F7: variants seen among roughly 807,000 people sequenced by gnomAD.
F7 encodes the protein FVII coagulation protein.
F7 carries 38 observed loss-of-function variants against 47.5 expected under a neutral mutation model. That is an observed-to-expected ratio of 0.80 (90% CI 0.62 to 1.05). The LOEUF (loss-of-function observed/expected upper bound fraction) is 1.05, where lower values mean the gene tolerates loss of function less well. Among genes scored for constraint, F7 ranks in the 50% least tolerant of loss-of-function variants. The probability of loss-of-function intolerance (pLI) is 0.00; values close to 1 mark genes in which losing one functional copy is unlikely to be tolerated. For synonymous variants in F7, 244 were observed against 258.5 expected (o/e 0.94, Z 0.54); for missense variants, 575 against 605.4 (o/e 0.95, Z 0.53).
In F7 at chr13:113,113,927, C is replaced by T. The variant is rs1384496953; in HGVS notation, c.331C>T (p.Leu111Phe). The change falls in exon 4 of 8, where the codon CTC becomes TTC. Residue 111 changes from leucine to phenylalanine, a missense_variant. Leu to Phe is a conservative substitution (Grantham distance 22). Transcript: ENST00000346342. This position sits in a 1 kb window ranked among gnomAD's most constrained non-coding sequence, Gnocchi z 4.1. Reference protein sequence around the residue: ...DQLQSYICFCLPAFEGRNCET... With the variant: ...DQLQSYICFCFPAFEGRNCET... ...GCTCCAGTCCTATATCTGCTTCTGC[C>T]TCCCTGCCTTCGAGGGCCGGAACTG... The T allele has an allele frequency of 2.5e-6, 4 of 1,614,146 alleles. No homozygotes were observed. The highest frequency in any genetic ancestry group is 1.6e-4 in the Middle Eastern group (1 of 6,062).
In F7 at chr13:113,119,321, G is replaced by T; in HGVS notation, c.*313G>T. The T allele has an allele frequency of 2.5e-6, 1 of 400,140 alleles. No homozygotes were observed. Among genetic ancestry groups the T allele is most frequent in the South Asian group, 3.4e-5 (1 of 29,694 alleles). 24.8% of individuals were successfully genotyped at this position (400,140 alleles called of 1,614,324 possible). On this transcript the variant is annotated 3_prime_UTR_variant, in exon 8 of 8. Transcript: ENST00000346342. ...GGACAGAGGGGCAGGGGAGTGCCAA[G>T]GTTGTCCTGGAGGCAGACAGCCCAG... is the stretch of plus-strand genomic sequence containing the variant.
In F7 at chr13:113,113,663, C is replaced by T; in HGVS notation, c.226-89C>T. Reference sequence around the variant, plus strand: ...CCCGCCAGACCCAGGTCCAAGTCCCCCAACCCCAGTTCATGGTGTGTCCAG... The same window carrying T: ...CCCGCCAGACCCAGGTCCAAGTCCCTCAACCCCAGTTCATGGTGTGTCCAG... On this transcript the variant is annotated intron_variant, in intron 2 of 7. Coordinates refer to ENST00000346342, the MANE Select transcript of F7 (RefSeq NM_019616.4). The surrounding 1 kb of genome is among the most constrained non-coding windows in gnomAD (Gnocchi z 4.1). 2 of 1,390,072 alleles carry T rather than the reference C, an allele frequency of 1.4e-6. No individual in the cohort carries two copies. Among genetic ancestry groups the T allele is most frequent in the Non-Finnish European group, 1.0e-6 (1 of 977,394 alleles). 86.1% of individuals were successfully genotyped at this position (1,390,072 alleles called of 1,614,324 possible).
Position 113,114,217 on chromosome 13 carries a change from G to A in F7, c.364+257G>A, listed in dbSNP as rs36208762. Among the ~76,000 whole-genome samples the A allele has an allele frequency of 7.4e-4, 112 of 152,238 alleles. 1 individual carries two copies. Among genetic ancestry groups the A allele is most frequent in the Non-Finnish European group, 1.1e-3 (74 of 68,004 alleles). The stretch of plus-strand genomic sequence containing the variant: ...CGGCCCTGGGCAATTCTCAGCCCTC[G>A]AGATGGCCCAGCTGAGAGTCCCTGT... On this transcript the variant is annotated intron_variant, in intron 4 of 7. Transcript: ENST00000346342.
At chr13:113,116,572 G>T (rs2036195376) in intron 5 of F7, among the ~76,000 whole-genome samples, 194 bp from the exon 6 acceptor site, 1 of 152,212 alleles carries the variant, frequency 6.6e-6, no homozygotes, top group Non-Finnish European at 1.5e-5. Flanking sequence ...GCCTCTCATG[G>T]CCGGGCCCCA....
rs1167182394 is a variant in F7, at chr13:113,113,884, G to C, written c.288G>C (p.Gly96=). The C allele has an allele frequency of 6.2e-7, 1 of 1,614,068 alleles. No homozygotes were observed. The highest frequency in any genetic ancestry group is 2.2e-5 in the East Asian group (1 of 44,900). The change falls in exon 4 of 8, where the codon GGG becomes GGC. Residue 96 remains glycine, a synonymous_variant. Transcript: ENST00000346342. This position sits in a 1 kb window ranked among gnomAD's most constrained non-coding sequence, Gnocchi z 4.1. ...GTGCCTCAAGTCCATGCCAGAATGG[G>C]GGCTCCTGCAAGGACCAGCTCCAGT... The part of the protein sequence containing the change: ...DQCASSPCQN[G]GSCKDQLQSY...
chr13:113,116,042 A>G (rs1230949790), intron 5 of F7, among the ~76,000 whole-genome samples: 3 of 152,228 alleles, frequency 2.0e-5, no homozygotes, highest in Non-Finnish European at 4.4e-5. Context: ...TTCTAGGCAG[A>G]CCAGGGGAGC....
rs546634569 is a variant in F7 at position 113,120,062 on chromosome 13, C to G, written c.*1054C>G. 6.6e-6 allele frequency: 1 copy of G among 152,200 alleles called. No homozygotes were observed. The highest frequency in any genetic ancestry group is 2.4e-5 in the African/African-American group (1 of 41,438). 9.4% of individuals were successfully genotyped at this position (152,200 alleles called of 1,614,324 possible). A position where few individuals can be genotyped will look rare whatever the true frequency, so the allele number is the denominator to read the frequency against. The stretch of plus-strand genomic sequence containing the variant: ...GTTGCCCATGATTCATTTTTGGAGC[C>G]CCCGGTGCTCATCCTCTGAGATGCT... On this transcript the variant is annotated 3_prime_UTR_variant, in exon 8 of 8. Transcript: ENST00000346342.
At chr13:113,109,373 C>T (rs544688447) in intron 1 of F7, among the ~76,000 whole-genome samples, 2 of 152,156 alleles carry the variant, frequency 1.3e-5, no homozygotes, top group South Asian at 4.1e-4. Flanking sequence ...CTCCTTGAGC[C>T]CGATTCTTTG....
At chr13:113,110,665 G>A in intron 1 of F7, 25 bp from the exon 2 acceptor site, 4 of 1,547,614 alleles carry the variant, frequency 2.6e-6, no homozygotes, top group Non-Finnish European at 3.5e-6. Context: ...CGCGGTGGGC[G>A]CTTCACGGAA....
At position 113,116,088 on chromosome 13, in the gene F7, G is replaced by A. The variant is rs567432444; in HGVS notation, c.505+288G>A. Among the ~76,000 whole-genome samples, 19 of 152,346 alleles carry A rather than the reference G, an allele frequency of 1.2e-4. No homozygotes were observed. The South Asian group carries it at 3.1e-3, about 25-fold the overall frequency. On this transcript the variant is annotated intron_variant, in intron 5 of 7. Coordinates refer to ENST00000346342, the MANE Select transcript of F7 (RefSeq NM_019616.4). ...ACTATCTCACGTCCAACTCCCACTC[G>A]CAGGACCTCCGCCAGGGTTCATGAA... is the stretch of plus-strand genomic sequence containing the variant.
chr13:113,111,803 GGC>G (rs2036101469), intron 2 of F7, among the ~76,000 whole-genome samples: 1 of 24,796 alleles, frequency 4.0e-5, no homozygotes, highest in Non-Finnish European at 6.7e-5. Flanking sequence ...CCTCACACGG[GGC>G]ACACTTCACA....
intron 6 of F7, 69 bp downstream of exon 6, chr13:113,116,944 G>T: frequency 7.8e-7 from 1 of 1,282,528 alleles, no homozygotes; most frequent in South Asian, 1.2e-5. Flanking sequence ...GTGAACAACA[G>T]CTCTGGAAGG....
chr13:113,117,622 C>T lies in F7; in HGVS notation c.739+26C>T, dbSNP rs774741177. The T allele has an allele frequency of 4.6e-6, 7 of 1,509,812 alleles. No individual in the cohort carries two copies. The Admixed American group carries it at 1.1e-4, about 24-fold the overall frequency. The allele number at this position is 1,509,812 out of a possible 1,614,324, so 93.5% of individuals were successfully genotyped here. Reference sequence around the variant, plus strand: ...GTGGGTACCACTCTCCCCTGTCCGACCGCGGTGCTGGGTGGGTGCCACTCT... The same window carrying T: ...GTGGGTACCACTCTCCCCTGTCCGATCGCGGTGCTGGGTGGGTGCCACTCT... On this transcript the variant is annotated intron_variant, in intron 7 of 7. Coordinates refer to ENST00000346342, the MANE Select transcript of F7 (RefSeq NM_019616.4).
At chr13:113,108,744 G>A (rs1402639926) in intron 1 of F7, among the ~76,000 whole-genome samples, 1 of 125,936 alleles carries the variant, frequency 7.9e-6, no homozygotes, top group Non-Finnish European at 1.7e-5. Flanking sequence ...CGGGAGTGTG[G>A]GTGTTCCAGA....
chr13:113,118,372 C>A lies in F7; in HGVS notation c.740-41C>A, dbSNP rs781111955. 4.5e-6 allele frequency: 7 copies of A among 1,553,380 alleles called. No homozygotes were observed. The Admixed American group carries it at 6.8e-5, about 15-fold the overall frequency. ...CCCCATGCACCAGGGGGTGAGGTGG[C>A]AGGTGGTGGAAAGGGCCTGAGGGGG... is the stretch of plus-strand genomic sequence containing the variant. On this transcript the variant is annotated intron_variant, in intron 7 of 7. Transcript: ENST00000346342.
chr13:113,105,950 T>G, intron 1 of F7, 45 bp downstream of exon 1: 1 of 1,532,806 alleles, frequency 6.5e-7, no homozygotes, highest in Non-Finnish European at 8.8e-7. Context: ...GGAAGGGCAG[T>G]GGGCAAATCC....
At chr13:113,115,910 A>G in intron 5 of F7, 110 bp downstream of exon 5, 1 of 1,459,178 alleles carries the variant, frequency 6.9e-7, no homozygotes, top group African/African-American at 1.4e-5. Flanking sequence ...ACTGAGCACT[A>G]ACTATGCACT....
intron 5 of F7, among the ~76,000 whole-genome samples, 166 bp downstream of exon 5, chr13:113,115,966 A>C (rs2036186997): frequency 6.6e-6 from 1 of 152,240 alleles, no homozygotes; most frequent in Non-Finnish European, 1.5e-5. Context: ...GGCACAGGCC[A>C]GAGCGACAGT....
At chr13:113,106,640 C>CGTGTG (rs2142198866) in intron 1 of F7, among the ~76,000 whole-genome samples, 1 of 8,856 alleles carries the variant, frequency 1.1e-4, no homozygotes, top group East Asian at 3.4e-3. Flanking sequence ...GTGGGGATGG[C>CGTGTG]GAGTGGGGCT....
Sources: allele counts gnomAD v4.1 joint callset (sites outside exome capture counted in the v4.1 genomes callset), GRCh38; gene constraint gnomAD v4.1.1; non-coding constraint Gnocchi (gnomAD v3.1); transcripts MANE v1.5; gene names NCBI Gene and HGNC (gene_info 2026-07-23, HGNC 2026-07-21).